Variants in TRAM2 observed in about 807,000 individuals in gnomAD.
TRAM2 encodes translocating chain-associated membrane protein 2.
Under a neutral mutation model 51.0 loss-of-function variants are expected in TRAM2, and 12 were observed. The observed-to-expected ratio is 0.24, with a 90% CI of 0.15 to 0.38. The LOEUF (loss-of-function observed/expected upper bound fraction) is 0.38. Ranked by LOEUF, TRAM2 falls within the 10% of genes least tolerant of loss-of-function variation. TRAM2 has a pLI of 1.00. For missense variants in TRAM2, 361 were observed against 462.0 expected (o/e 0.78, Z 2.00); for synonymous variants, 175 against 179.4 (o/e 0.98, Z 0.20).
chr6:52,518,875 T>C (rs1175585193), intron 2 of TRAM2, among the ~76,000 whole-genome samples: 1 of 152,188 alleles, frequency 6.6e-6, no homozygotes, highest in Non-Finnish European at 1.5e-5. Flanking sequence ...TCATCCTTAC[T>C]AGGCATAATG....
chr6:52,541,512 T>C (rs920137945), intron 1 of TRAM2, among the ~76,000 whole-genome samples: 4 of 152,210 alleles, frequency 2.6e-5, no homozygotes, highest in African/African-American at 9.6e-5. Context: ...TGACAAACTT[T>C]CTAAGAGGTC....
At chr6:52,526,346 T>TTC (rs1562480242) in intron 2 of TRAM2, among the ~76,000 whole-genome samples, 1 of 152,196 alleles carries the variant, frequency 6.6e-6, no homozygotes, top group Admixed American at 6.5e-5. Flanking sequence ...TAAAACAATG[T>TTC]AGCAAAGATG....
intron 4 of TRAM2, 176 bp downstream of exon 4, chr6:52,515,830 G>A: frequency 1.6e-6 from 1 of 631,948 alleles, no homozygotes; most frequent in Non-Finnish European, 2.8e-6. Context: ...ATACCATGAG[G>A]ATGCAAACAT....
intron 1 of TRAM2, among the ~76,000 whole-genome samples, chr6:52,566,456 T>G (rs1357545892): frequency 2.0e-5 from 3 of 152,130 alleles, no homozygotes; most frequent in Non-Finnish European, 4.4e-5. Flanking sequence ...TGCCCCAGCC[T>G]CCTAACCAGA....
intron 2 of TRAM2, among the ~76,000 whole-genome samples, chr6:52,535,549 C>T (rs544657927): frequency 1.3e-5 from 2 of 152,314 alleles, no homozygotes; most frequent in South Asian, 4.1e-4. Flanking sequence ...GGCGTGGTGG[C>T]ACACGCCTGT....
chr6:52,565,762 C>T (rs766680676), intron 1 of TRAM2, among the ~76,000 whole-genome samples: 16 of 152,200 alleles, frequency 1.1e-4, no homozygotes, highest in Non-Finnish European at 1.6e-4. Flanking sequence ...CAGTACATAG[C>T]GAGTGCTAAG....
At chr6:52,517,389 C>A (rs978863928) in intron 2 of TRAM2, 2 of 152,356 alleles carry the variant, frequency 1.3e-5, no homozygotes, top group East Asian at 3.9e-4. Flanking sequence ...TATATATGCA[C>A]TTGCTATTAT....
At chr6:52,510,880 G>A (rs1259529480) in intron 4 of TRAM2, among the ~76,000 whole-genome samples, 3 of 152,196 alleles carry the variant, frequency 2.0e-5, no homozygotes, top group Non-Finnish European at 4.4e-5. Context: ...AGCATGGGAA[G>A]AAATAATCTA....
At chr6:52,562,785 A>G (rs1410141766) in intron 1 of TRAM2, among the ~76,000 whole-genome samples, 1 of 152,032 alleles carries the variant, frequency 6.6e-6, no homozygotes, top group African/African-American at 2.4e-5. Context: ...GTTCAACTCC[A>G]ACTTATGAGA....
At chr6:52,516,577 C>T (rs775641518) in intron 3 of TRAM2, 51 bp downstream of exon 3, 118 of 1,514,780 alleles carry the variant, frequency 7.8e-5, no homozygotes, top group Non-Finnish European at 1.0e-4. Flanking sequence ...GGTCCTCCAC[C>T]CCAAGGCACC....
rs1766252352 is a variant in TRAM2 at position 52,502,492 on chromosome 6, G to A, written c.*705C>T. 6.6e-6 allele frequency: 1 copy of A among 152,280 alleles called. No homozygotes were observed. Among genetic ancestry groups the A allele is most frequent in the African/African-American group, 2.4e-5 (1 of 41,472 alleles). 9.4% of individuals were successfully genotyped at this position (152,280 alleles called of 1,614,324 possible). A position where few individuals can be genotyped will look rare whatever the true frequency, so the allele number is the denominator to read the frequency against. On this transcript the variant is annotated 3_prime_UTR_variant, in exon 11 of 11. Transcript: ENST00000182527. Reference sequence around the variant, plus strand: ...GGCTTCCAATCCGCGGCCAGCCACTGGTAGGAGCTCGAGTCACGGGACCCA... The same window carrying A: ...GGCTTCCAATCCGCGGCCAGCCACTAGTAGGAGCTCGAGTCACGGGACCCA...
At position 52,507,644 on chromosome 6, in the gene TRAM2, T is replaced by C. The variant is rs772712039; in HGVS notation, c.556-21A>G. On this transcript the variant is annotated intron_variant, in intron 6 of 10. Coordinates refer to ENST00000182527, the MANE Select transcript of TRAM2 (RefSeq NM_012288.4). ...TCCTCCTGGAAACAAGAGAAGCAGA[T>C]GGTAAATTTGCTAATTCCCTAACTG... The C allele has an allele frequency of 2.5e-6, 4 of 1,613,128 alleles. No homozygotes were observed. The South Asian group carries it at 3.3e-5, about 13-fold the overall frequency.
Position 52,501,911 on chromosome 6 carries a change from T to C in TRAM2, c.*1286A>G, listed in dbSNP as rs1033279398. On this transcript the variant is annotated 3_prime_UTR_variant, in exon 11 of 11. Transcript: ENST00000182527. ...AGTCCTCACAAGGCACCAAAAGGAC[T>C]TGGAGGCCTTCTCTTCAGGTGGAGG... The C allele has an allele frequency of 3.3e-5, 5 of 152,184 alleles. No homozygotes were observed. The highest frequency in any genetic ancestry group is 2.6e-4 in the Admixed American group (4 of 15,284). The allele number at this position is 152,184 out of a possible 1,614,324, so 9.4% of individuals were successfully genotyped here.
chr6:52,525,159 G>T, intron 2 of TRAM2: 1 of 152,396 alleles, frequency 6.6e-6, no homozygotes, highest in Non-Finnish European at 1.5e-5. Context: ...GTGGGGCCAG[G>T]ACTCAGCTGT....
intron 4 of TRAM2, 34 bp downstream of exon 4, chr6:52,515,972 C>G (rs1161511224): frequency 1.9e-6 from 3 of 1,595,690 alleles, no homozygotes; most frequent in Non-Finnish European, 1.7e-6. Flanking sequence ...TTGGTTTGAG[C>G]TCTCCCGCTT....
At chr6:52,518,009 G>A (rs554578274) in intron 2 of TRAM2, among the ~76,000 whole-genome samples, 26 of 152,270 alleles carry the variant, frequency 1.7e-4, no homozygotes, top group Admixed American at 1.6e-3. Context: ...TCTGTGAGAG[G>A]CACTGGGCTA....
rs1199994304 is a variant in TRAM2, at chr6:52,507,534, G to A, written c.626+19C>T. 2.5e-6 allele frequency: 4 copies of A among 1,613,382 alleles called. No individual in the cohort carries two copies. The East Asian group carries it at 8.9e-5, about 36-fold the overall frequency. On this transcript the variant is annotated intron_variant, in intron 7 of 10. Transcript: ENST00000182527. ...ATAAAAGGGCAAGGAAATCTGGCTGGCTCCATGGTCTCACTCACTTTAAGA... is the reference window on the plus strand; with the variant it reads ...ATAAAAGGGCAAGGAAATCTGGCTGACTCCATGGTCTCACTCACTTTAAGA...
At position 52,498,961 on chromosome 6, in the gene TRAM2, A is replaced by G. The variant is rs62407915; in HGVS notation, c.*4236T>C. ...GGGGTTGCCAAGCACGAAAGGCTACATGGAGACTGCAAATCCCAATGCTCG... is the reference window on the plus strand; with the variant it reads ...GGGGTTGCCAAGCACGAAAGGCTACGTGGAGACTGCAAATCCCAATGCTCG... On this transcript the variant is annotated 3_prime_UTR_variant, in exon 11 of 11. Transcript: ENST00000182527. 14,696 of 152,514 alleles carry G rather than the reference A, an allele frequency of 0.096. 964 individuals are homozygous for G. Among genetic ancestry groups the G allele is most frequent in the Non-Finnish European group, 0.14 (9,522 of 68,002 alleles). 9.4% of individuals were successfully genotyped at this position (152,514 alleles called of 1,614,324 possible). A position where few individuals can be genotyped will look rare whatever the true frequency, so the allele number is the denominator to read the frequency against.
intron 10 of TRAM2, among the ~76,000 whole-genome samples, chr6:52,503,874 C>T (rs1446695953): frequency 6.6e-6 from 1 of 152,196 alleles, no homozygotes; most frequent in African/African-American, 2.4e-5. Context: ...ATACCTCCCC[C>T]GCCAGCCAGG....
Sources: allele counts gnomAD v4.1 joint callset (sites outside exome capture counted in the v4.1 genomes callset), GRCh38; gene constraint gnomAD v4.1.1; transcripts MANE v1.5; gene names NCBI Gene and HGNC (gene_info 2026-07-23, HGNC 2026-07-21).